ARL6IP5: variants seen among roughly 807,000 people sequenced by gnomAD.
ARL6IP5 encodes the protein ARF like GTPase 6 interacting protein 5.
ARL6IP5 carries 6 observed loss-of-function variants against 13.0 expected under a neutral mutation model. That is an observed-to-expected ratio of 0.46 (90% CI 0.25 to 0.91). The LOEUF (loss-of-function observed/expected upper bound fraction) is 0.91, where lower values mean the gene tolerates loss of function less well. ARL6IP5 is among the 40% of genes least tolerant of loss of function. The probability of loss-of-function intolerance (pLI) is 0.17; values close to 1 mark genes in which losing one functional copy is unlikely to be tolerated. For synonymous variants in ARL6IP5, 91 were observed against 91.9 expected, an observed-to-expected ratio of 0.99 and a Z score of 0.06; for missense variants, 208 against 248.8, an observed-to-expected ratio of 0.84 and a Z score of 1.10.
chr3:69,094,646 G>T (rs2092281189), intron 1 of ARL6IP5, among the ~76,000 whole-genome samples: 1 of 152,132 alleles, frequency 6.6e-6, no homozygotes, highest in African/African-American at 2.4e-5. Context: ...AAAGCTGCCT[G>T]TACTCCTCAG....
At position 69,104,483 on chromosome 3, in the gene ARL6IP5, G is replaced by A. The variant is rs142221565; in HGVS notation, c.414G>A (p.Ser138=). The stretch of plus-strand genomic sequence containing the variant: ...CTGCAGTGATGTTTATCCATGCATC[G>A]TTGAGACTTCGGAACCTCAAGAACA... ...FPLLLMFIHA[S]LRLRNLKNKL... The change falls in exon 3 of 3, where the codon TCG becomes TCA. Residue 138 remains serine (S), a synonymous_variant. Transcript: ENST00000273258. 4.0e-4 allele frequency: 642 copies of A among 1,613,830 alleles called. 1 individual carries two copies. In the African/African-American group the frequency reaches 7.8e-3, roughly 20 times the overall value.
At chr3:69,094,418 G>A (rs1299684116) in intron 1 of ARL6IP5, among the ~76,000 whole-genome samples, 2 of 152,206 alleles carry the variant, frequency 1.3e-5, no homozygotes, top group African/African-American at 4.8e-5. Flanking sequence ...AATGTTTAAA[G>A]AATTCTGTTT....
At chr3:69,086,127 T>C (rs774685021) in intron 1 of ARL6IP5, among the ~76,000 whole-genome samples, 1 of 152,222 alleles carries the variant, frequency 6.6e-6, no homozygotes, top group Non-Finnish European at 1.5e-5. Flanking sequence ...CTTAAATGTC[T>C]GACATTTCTA....
In ARL6IP5 at chr3:69,105,012, A is replaced by G; in HGVS notation, c.*376A>G. The G allele has an allele frequency of 1.6e-6, 1 of 632,872 alleles. No homozygotes were observed. Among genetic ancestry groups the G allele is most frequent in the Non-Finnish European group, 2.8e-6 (1 of 357,210 alleles). The allele number at this position is 632,872 out of a possible 1,614,324, so 39.2% of individuals were successfully genotyped here. A position where few individuals can be genotyped will look rare whatever the true frequency, so the allele number is the denominator to read the frequency against. ...TAAAGTATCAAGACAATACGAGTAA[A>G]TGAAAAGGCTGTTAAAGTAGATGAC... On this transcript the variant is annotated 3_prime_UTR_variant, in exon 3 of 3. Coordinates refer to ENST00000273258, the MANE Select transcript of ARL6IP5 (RefSeq NM_006407.4).
At chr3:69,098,944 C>T (rs988372264) in intron 1 of ARL6IP5, among the ~76,000 whole-genome samples, 2 of 152,100 alleles carry the variant, frequency 1.3e-5, no homozygotes, top group South Asian at 2.1e-4. Context: ...TCAATCTTTG[C>T]GTTTTTGTTT....
chr3:69,105,090 A>G lies in ARL6IP5; in HGVS notation c.*454A>G. The G allele has an allele frequency of 1.9e-6, 1 of 515,358 alleles. No individual in the cohort carries two copies. The highest frequency in any genetic ancestry group is 2.8e-5 in the South Asian group (1 of 35,172). 31.9% of individuals were successfully genotyped at this position (515,358 alleles called of 1,614,324 possible). On this transcript the variant is annotated 3_prime_UTR_variant, in exon 3 of 3. Transcript: ENST00000273258. Reference sequence around the variant, plus strand: ...CTAGAATTGTAATGTGTGGGATATAAATTAGTTTTTATTATTCTCTTAAAA... The same window carrying G: ...CTAGAATTGTAATGTGTGGGATATAGATTAGTTTTTATTATTCTCTTAAAA...
intron 1 of ARL6IP5, among the ~76,000 whole-genome samples, chr3:69,088,693 G>A (rs566516491): frequency 9.8e-5 from 15 of 152,316 alleles, no homozygotes; most frequent in African/African-American, 2.6e-4. Flanking sequence ...GGAAACTTGC[G>A]TTTTGCTGGA....
intron 1 of ARL6IP5, among the ~76,000 whole-genome samples, chr3:69,097,237 T>C (rs1428243154): frequency 6.6e-6 from 1 of 152,078 alleles, no homozygotes; most frequent in East Asian, 1.9e-4. Context: ...CACAGCTCCC[T>C]GCAGCCTTGA....
chr3:69,101,724 G>C, intron 1 of ARL6IP5, 115 bp from the exon 2 acceptor site: 1 of 848,670 alleles, frequency 1.2e-6, no homozygotes, highest in Middle Eastern at 2.8e-4. Context: ...AGACAATTTA[G>C]ATAAAGTATT....
rs753102364 is a variant in ARL6IP5, at chr3:69,085,236, C to T, written c.176+13C>T. ...TTTCCATTGTGGGGTAAGTGGGGTC[C>T]CCCTACCCGGGACACCGATCCGGGG... is the stretch of plus-strand genomic sequence containing the variant. On this transcript the variant is annotated intron_variant, in intron 1 of 2. Coordinates refer to ENST00000273258, the MANE Select transcript of ARL6IP5 (RefSeq NM_006407.4). 1 of 1,606,138 alleles carries T rather than the reference C, an allele frequency of 6.2e-7. No individual in the cohort carries two copies. Among genetic ancestry groups the T allele is most frequent in the South Asian group, 1.1e-5 (1 of 90,708 alleles).
intron 1 of ARL6IP5, among the ~76,000 whole-genome samples, chr3:69,094,852 G>C (rs912082075): frequency 6.6e-6 from 1 of 151,478 alleles, no homozygotes; most frequent in Admixed American, 6.6e-5. Context: ...AGGTGGGTTA[G>C]CAAGATCCTT....
chr3:69,095,099 G>T (rs1171482577), intron 1 of ARL6IP5, among the ~76,000 whole-genome samples: 2 of 152,100 alleles, frequency 1.3e-5, no homozygotes, highest in Non-Finnish European at 2.9e-5. Flanking sequence ...ATGACAGAAT[G>T]GGTTCTACTG....
At chr3:69,101,479 C>T (rs9851420) in intron 1 of ARL6IP5, among the ~76,000 whole-genome samples, 68,014 of 151,464 alleles carry the variant, frequency 0.45, 15,524 homozygotes, top group Admixed American at 0.51. Flanking sequence ...TGTGCCACCA[C>T]ACCTGGCTAA....
rs749330792 is a variant in ARL6IP5 at position 69,101,254 on chromosome 3, A to C, written c.177-585A>C. ...CCTTCAAAAGAAGTTTTAGTCTTCA[A>C]AATTGTGGACCTCTAACGAGATACT... is the stretch of plus-strand genomic sequence containing the variant. On this transcript the variant is annotated intron_variant, in intron 1 of 2. Transcript: ENST00000273258. Among the ~76,000 whole-genome samples, 3 of 151,848 alleles carry C rather than the reference A, an allele frequency of 2.0e-5. No individual in the cohort carries two copies. The South Asian group carries it at 6.2e-4, about 32-fold the overall frequency.
chr3:69,097,883 C>T (rs147313745), intron 1 of ARL6IP5, among the ~76,000 whole-genome samples: 75 of 152,222 alleles, frequency 4.9e-4, no homozygotes, highest in African/African-American at 1.7e-3. Flanking sequence ...GGAACAGCTT[C>T]GCTGTGGTTC....
chr3:69,103,731 C>A (rs1164223189), intron 2 of ARL6IP5, among the ~76,000 whole-genome samples: 2 of 152,100 alleles, frequency 1.3e-5, no homozygotes, highest in Non-Finnish European at 2.9e-5. Flanking sequence ...CAGGAATTTG[C>A]CTATTTAACA....
chr3:69,092,853 CAAG>C (rs1051039113), intron 1 of ARL6IP5, among the ~76,000 whole-genome samples: 1 of 148,110 alleles, frequency 6.8e-6, no homozygotes, highest in African/African-American at 2.5e-5. Context: ...TAAAATCATT[CAAG>C]AAGAACAGTT....
At position 69,105,379 on chromosome 3, in the gene ARL6IP5, TAAAAC is replaced by T. The variant is rs1372514647; in HGVS notation, c.*749_*753del. 1.3e-5 allele frequency: 2 copies of T among 152,292 alleles called. No individual in the cohort carries two copies. The highest frequency in any genetic ancestry group is 2.4e-5 in the African/African-American group (1 of 41,448). 9.4% of individuals were successfully genotyped at this position (152,292 alleles called of 1,614,324 possible). A position where few individuals can be genotyped will look rare whatever the true frequency, so the allele number is the denominator to read the frequency against. ...TATTAAAATACAAACAGACAAAAAA[TAAAAC>T]AAAACTTGAGTTCTATTTACCTTGC... On this transcript the variant is annotated 3_prime_UTR_variant, in exon 3 of 3. Coordinates refer to ENST00000273258, the MANE Select transcript of ARL6IP5 (RefSeq NM_006407.4).
At chr3:69,102,322 G>A (rs2092308309) in intron 2 of ARL6IP5, 6 of 473,402 alleles carry the variant, frequency 1.3e-5, no homozygotes, top group Middle Eastern at 6.1e-4. Context: ...TTTTGTTGTT[G>A]TTGAGATGGG....
Sources: gnomAD v4.1 joint callset for allele counts (sites outside exome capture counted in the v4.1 genomes callset) on GRCh38, gnomAD v4.1.1 for gene constraint, MANE v1.5 for transcripts, NCBI Gene and HGNC (gene_info 2026-07-23, HGNC 2026-07-21) for gene names.